The following SLC7A11 variants were observed in gnomAD, a reference collection of about 807,000 sequenced individuals.
SLC7A11 encodes the protein solute carrier family 7 member 11, also known as cystine/glutamate transporter.
A neutral mutation model predicts 54.5 loss-of-function variants in SLC7A11; 35 were observed. The ratio of observed to expected loss-of-function variants is 0.64; its 90% CI spans 0.49 to 0.85. SLC7A11 has a LOEUF of 0.85. Among genes scored for constraint, SLC7A11 ranks in the 40% least tolerant of loss-of-function variants. SLC7A11 has a pLI of 0.00. For missense variants in SLC7A11, 583 were observed against 618.1 expected (o/e 0.94, Z 0.60); for synonymous variants, 230 against 225.2 (o/e 1.02, Z -0.19).
chr4:138,193,993 T>C (rs959866406), intron 6 of SLC7A11, among the ~76,000 whole-genome samples: 1 of 152,064 alleles, frequency 6.6e-6, no homozygotes, highest in Admixed American at 6.6e-5. Flanking sequence ...GTAGGAAAAG[T>C]ATAAAATTGA....
intron 1 of SLC7A11, among the ~76,000 whole-genome samples, chr4:138,241,176 T>G (rs1192617378): frequency 6.6e-6 from 1 of 152,200 alleles, no homozygotes; most frequent in African/African-American, 2.4e-5. Context: ...GAAAAGTAAT[T>G]TGAAATATGC....
chr4:138,229,926 C>T (rs1738033156), intron 3 of SLC7A11, among the ~76,000 whole-genome samples: 2 of 152,076 alleles, frequency 1.3e-5, no homozygotes, highest in African/African-American at 4.8e-5. Context: ...CTGCTCTTCT[C>T]TTTTTTAAAT....
chr4:138,171,014 A>C lies in SLC7A11; in HGVS notation c.*942T>G, dbSNP rs1736412353. ...ACATTGCATGTAGATATGATTACAG[A>C]TATGGGACTATTATTTTGAACATCT... On this transcript the variant is annotated 3_prime_UTR_variant, in exon 12 of 12. Transcript: ENST00000280612. 1 of 152,194 alleles carries C rather than the reference A, an allele frequency of 6.6e-6. No homozygotes were observed. The highest frequency in any genetic ancestry group is 1.9e-4 in the East Asian group (1 of 5,194). The allele number at this position is 152,194 out of a possible 1,614,324, so 9.4% of individuals were successfully genotyped here.
At chr4:138,224,810 G>C (rs1262195108) in intron 3 of SLC7A11, among the ~76,000 whole-genome samples, 1 of 111,450 alleles carries the variant, frequency 9.0e-6, no homozygotes, top group African/African-American at 3.2e-5. Flanking sequence ...AAGGAAGGAA[G>C]GATGAAAGGA....
intron 1 of SLC7A11, among the ~76,000 whole-genome samples, chr4:138,236,842 C>A (rs11723658): frequency 0.43 from 65,099 of 151,840 alleles, 14,816 homozygotes; most frequent in Middle Eastern, 0.62. Context: ...AGGCATTAGT[C>A]CAAATGTTTG....
intron 2 of SLC7A11, among the ~76,000 whole-genome samples, chr4:138,233,479 C>T (rs1024788695): frequency 2.0e-5 from 3 of 152,090 alleles, no homozygotes; most frequent in Non-Finnish European, 2.9e-5. Flanking sequence ...CCACCGTGCC[C>T]GGCAGCAATT....
chr4:138,224,075 A>G lies in SLC7A11; in HGVS notation c.521-751T>C, dbSNP rs369087417. 7.4e-4 allele frequency among the ~76,000 whole-genome samples: 112 copies of G among 152,316 alleles called. 1 individual carries two copies. In the South Asian group the frequency reaches 0.022, roughly 30 times the overall value. On this transcript the variant is annotated intron_variant, in intron 3 of 11. Transcript: ENST00000280612. ...CACCTTCGACACCTTGTGGACCATG[A>G]AAACCTCAAGGATAGAGCAAGGGTT...
At chr4:138,241,701 A>C in intron 1 of SLC7A11, 92 bp downstream of exon 1, 1 of 984,310 alleles carries the variant, frequency 1.0e-6, no homozygotes, top group African/African-American at 1.6e-5. Context: ...TTTGCCATCC[A>C]TTCACTCCTC....
intron 6 of SLC7A11, among the ~76,000 whole-genome samples, chr4:138,197,768 C>T (rs531234441): frequency 6.5e-4 from 99 of 151,750 alleles, no homozygotes; most frequent in African/African-American, 2.3e-3. Context: ...CTACTTTTCC[C>T]TTCAGATTAA....
At chr4:138,226,494 T>G (rs543588516) in intron 3 of SLC7A11, among the ~76,000 whole-genome samples, 1 of 152,166 alleles carries the variant, frequency 6.6e-6, no homozygotes, top group Non-Finnish European at 1.5e-5. Flanking sequence ...TACTCATTAT[T>G]TGGTACACTA....
At position 138,180,794 on chromosome 4, in the gene SLC7A11, A is replaced by G; in HGVS notation, c.1117-4T>C. 1 of 1,608,660 alleles carries G rather than the reference A, an allele frequency of 6.2e-7. No homozygotes were observed. On this transcript the variant is annotated splice_polypyrimidine_tract_variant and splice_region_variant and intron_variant, in intron 9 of 11. Transcript: ENST00000280612. ...GCATTATCATTGTCAAAGGGTGCTG[A>G]GGGGGGAAAGGGAAGCAAGCTTGGT...
At chr4:138,174,419 C>T (rs1228191707) in intron 11 of SLC7A11, 1 of 152,230 alleles carries the variant, frequency 6.6e-6, no homozygotes, top group Non-Finnish European at 1.5e-5. Context: ...TTAATCAGCC[C>T]TGTTGACAAT....
At chr4:138,228,640 T>A (rs1392202648) in intron 3 of SLC7A11, among the ~76,000 whole-genome samples, 2 of 150,322 alleles carry the variant, frequency 1.3e-5, no homozygotes, top group South Asian at 2.1e-4. Flanking sequence ...GCGCCTGTAG[T>A]CCCAGCTACT....
intron 4 of SLC7A11, among the ~76,000 whole-genome samples, chr4:138,219,686 C>A (rs1436561368): frequency 6.6e-6 from 1 of 152,018 alleles, no homozygotes; most frequent in South Asian, 2.1e-4. Context: ...AAATTATAAT[C>A]TTTATGAATA....
rs769910192 is a variant in SLC7A11, at chr4:138,182,384, A to G, written c.1029T>C (p.Tyr343=). 6 of 1,604,244 alleles carry G rather than the reference A, an allele frequency of 3.7e-6. No individual in the cohort carries two copies. The highest frequency in any genetic ancestry group is 1.1e-5 in the South Asian group (1 of 90,858). ...GAAGGTGACCCTCTCGAGACGCAAC[A>G]TAGAATAACCTGATGGGAGAGAAAT... ...GGVFAVSRLF[Y]VASREGHLPE... Residue 343 remains tyrosine (Y), a synonymous_variant, in exon 9 of 12, where the codon TAT becomes TAC. Transcript: ENST00000280612.
At chr4:138,219,124 C>A in intron 5 of SLC7A11, 142 bp downstream of exon 5, 1 of 568,658 alleles carries the variant, frequency 1.8e-6, no homozygotes, top group Non-Finnish European at 3.1e-6. Flanking sequence ...GGGATAATAC[C>A]TTATTTCTCA....
chr4:138,215,277 CTTATTA>C (rs974621011), intron 5 of SLC7A11, among the ~76,000 whole-genome samples: 1 of 152,020 alleles, frequency 6.6e-6, no homozygotes, highest in Admixed American at 6.6e-5. Context: ...CTTCCATTAT[CTTATTA>C]TTATTAAAAG....
At chr4:138,179,450 G>A in intron 10 of SLC7A11, 56 bp from the exon 11 acceptor site, 1 of 1,470,230 alleles carries the variant, frequency 6.8e-7, no homozygotes, top group Non-Finnish European at 9.4e-7. Flanking sequence ...ACAGAAGCTG[G>A]GTTTGAGATG....
chr4:138,223,049 A>T (rs1737854269), intron 4 of SLC7A11, 150 bp downstream of exon 4: 1 of 622,504 alleles, frequency 1.6e-6, no homozygotes, highest in Non-Finnish European at 2.7e-6. Context: ...ACAATGTAGC[A>T]GCCTTTCAAA....
Sources: allele counts gnomAD v4.1 joint callset (sites outside exome capture counted in the v4.1 genomes callset), GRCh38; gene constraint gnomAD v4.1.1; transcripts MANE v1.5; gene names NCBI Gene and HGNC (gene_info 2026-07-23, HGNC 2026-07-21).